Variants in PCDHGA5 observed in about 807,000 individuals in gnomAD.
PCDHGA5 encodes protocadherin gamma-A5.
A neutral mutation model predicts 56.7 loss-of-function variants in PCDHGA5; 36 were observed. The ratio of observed to expected loss-of-function variants is 0.64; its 90% confidence interval spans 0.49 to 0.84. The LOEUF (loss-of-function observed/expected upper bound fraction) is 0.84. Among genes scored for constraint, PCDHGA5 ranks in the 40% least tolerant of loss-of-function variants. The pLI is 0.00. For synonymous variants in PCDHGA5, 563 were observed against 520.2 expected (o/e 1.08, Z -1.12); for missense variants, 1,305 against 1,201.5 (o/e 1.09, Z -1.27).
chr5:141,421,741 C>A lies in PCDHGA5; in HGVS notation c.2421+54990C>A. 3 of 1,613,902 alleles carry A rather than the reference C, an allele frequency of 1.9e-6. No individual in the cohort carries two copies. The South Asian group carries it at 3.3e-5, about 18-fold the overall frequency. ...GGGCGTGAACTCCCTCCAGAGCTAC[C>A]AGCTCAGCCCTAATAATTACTTTTC... On this transcript the variant is annotated intron_variant, in intron 1 of 3. Transcript: ENST00000518069.
intron 1 of PCDHGA5, chr5:141,421,778 G>C (rs756566609): frequency 6.2e-7 from 1 of 1,613,844 alleles, no homozygotes; most frequent in Non-Finnish European, 8.5e-7. Context: ...TTGCAACTGC[G>C]GGGCAGAACG....
intron 1 of PCDHGA5, among the ~76,000 whole-genome samples, chr5:141,424,873 A>G (rs549945556): frequency 3.9e-5 from 6 of 152,198 alleles, no homozygotes; most frequent in Non-Finnish European, 8.8e-5. Context: ...CAAATGAGGA[A>G]AGGAGACTTA....
At chr5:141,370,688 G>A (rs374195397) in intron 1 of PCDHGA5, 7 of 1,613,840 alleles carry the variant, frequency 4.3e-6, no homozygotes, top group Non-Finnish European at 5.9e-6. Context: ...TTTGTGGCAA[G>A]AAGTCGACGT....
intron 2 of PCDHGA5, among the ~76,000 whole-genome samples, chr5:141,503,081 C>G (rs1354848667): frequency 6.6e-6 from 1 of 151,960 alleles, no homozygotes; most frequent in Non-Finnish European, 1.5e-5. Flanking sequence ...TCTCGATCTC[C>G]TGACCTCGTG....
In PCDHGA5 at chr5:141,366,233, A is replaced by G. The variant is rs1354193643; in HGVS notation, c.1903A>G (p.Arg635Gly). 6.2e-7 allele frequency: 1 copy of G among 1,613,674 alleles called. No individual in the cohort carries two copies. Among genetic ancestry groups the G allele is most frequent in the Non-Finnish European group, 8.5e-7 (1 of 1,180,038 alleles). Residue 635 changes from arginine to glycine, a missense_variant, in exon 1 of 4, where the codon AGA (arginine) becomes GGA (glycine). Physicochemically the swap from Arg to Gly is moderately radical, Grantham distance 125. Transcript: ENST00000518069. ...EVRTARALLD[R>G]DALKQSLVVA... ...GCGCACAGCGCGAGCCCTGCTGGAC[A>G]GAGACGCGCTCAAGCAGAGCCTCGT...
intron 1 of PCDHGA5, among the ~76,000 whole-genome samples, chr5:141,381,826 C>CTTCT (rs1777532522): frequency 2.0e-4 from 15 of 74,296 alleles, no homozygotes; most frequent in South Asian, 5.2e-4. Context: ...CTTTCTTCTT[C>CTTCT]TTTTTTTTTT....
At chr5:141,398,565 A>G (rs2150749377) in intron 1 of PCDHGA5, 2 of 1,614,040 alleles carry the variant, frequency 1.2e-6, no homozygotes, top group South Asian at 1.1e-5. Context: ...GTGAGTCTGC[A>G]CAGCCTGGCA....
At position 141,487,736 on chromosome 5, in the gene PCDHGA5, G is replaced by C; in HGVS notation, c.2422-7071G>C. On this transcript the variant is annotated intron_variant, in intron 1 of 3. Transcript: ENST00000518069. The surrounding 1 kb of genome is among the most constrained non-coding windows in gnomAD (Gnocchi z 5.0). Reference sequence around the variant, plus strand: ...TGCCCATAGTGATGTCACCATTTTTGTAAGAGGTAACTATGTGGTAGACGC... The same window carrying C: ...TGCCCATAGTGATGTCACCATTTTTCTAAGAGGTAACTATGTGGTAGACGC... 1 of 1,563,758 alleles carries C rather than the reference G, an allele frequency of 6.4e-7. No homozygotes were observed.
chr5:141,401,171 G>A (rs1222326375), intron 1 of PCDHGA5, among the ~76,000 whole-genome samples: 1 of 152,054 alleles, frequency 6.6e-6, no homozygotes, highest in African/African-American at 2.4e-5. Context: ...GTGAAAACCC[G>A]TCTCTACTAA....
intron 2 of PCDHGA5, among the ~76,000 whole-genome samples, chr5:141,503,608 AAAAAAAG>A (rs1483073868): frequency 3.3e-5 from 5 of 151,876 alleles, no homozygotes; most frequent in South Asian, 2.1e-4. Context: ...CAAAAAAAAA[AAAAAAAG>A]AAAAAAGAAA....
intron 1 of PCDHGA5, chr5:141,371,592 A>G: frequency 6.2e-7 from 1 of 1,614,000 alleles, no homozygotes; most frequent in Non-Finnish European, 8.5e-7. Context: ...AGATACCAAA[A>G]ACACATACAG....
intron 1 of PCDHGA5, among the ~76,000 whole-genome samples, chr5:141,368,915 A>G (rs1765921156): frequency 6.6e-6 from 1 of 152,228 alleles, no homozygotes; most frequent in Non-Finnish European, 1.5e-5. Context: ...TAAAGGTGAC[A>G]ATGAGTGTCT....
chr5:141,481,030 C>A (rs1277171839), intron 1 of PCDHGA5, among the ~76,000 whole-genome samples: 1 of 152,024 alleles, frequency 6.6e-6, no homozygotes, highest in African/African-American at 2.4e-5. Context: ...TGCACTCCAG[C>A]CTGGGCGACA....
rs778851755 is a variant in PCDHGA5, at chr5:141,477,795, G to A, written c.2422-17012G>A. ...AGCGTGAACATATTTGTCACTGATC[G>A]CAATGACAATGCCCCCCAGGTCCTA... On this transcript the variant is annotated intron_variant, in intron 1 of 3. Coordinates refer to ENST00000518069, the MANE Select transcript of PCDHGA5 (RefSeq NM_018918.3). This position sits in a 1 kb window ranked among gnomAD's most constrained non-coding sequence, Gnocchi z 4.9. The A allele has an allele frequency of 3.1e-6, 5 of 1,613,946 alleles. No individual in the cohort carries two copies. In the African/African-American group the frequency reaches 6.7e-5, roughly 22 times the overall value.
At chr5:141,433,205 TTTC>T in intron 1 of PCDHGA5, 1 of 1,573,264 alleles carries the variant, frequency 6.4e-7, no homozygotes, top group Non-Finnish European at 8.6e-7. Context: ...TCAAATCTTC[TTTC>T]TTTTTTTTTT....
chr5:141,374,318 C>G (rs773144400), intron 1 of PCDHGA5: 2 of 1,613,996 alleles, frequency 1.2e-6, no homozygotes, highest in South Asian at 2.2e-5. Flanking sequence ...CTCTCTGAAT[C>G]CGCGAAACGG....
chr5:141,364,631 C>T lies in PCDHGA5; in HGVS notation c.301C>T (p.Leu101=). The change falls in exon 1 of 4, where the codon CTG becomes TTG. Residue 101 remains leucine (L), a synonymous_variant. Transcript: ENST00000518069. The part of the protein sequence containing the change: ...DREELCAQSP[L]CVVNFNILVE... Reference sequence around the variant, plus strand: ...GGAGGAGCTCTGCGCTCAGAGCCCACTGTGTGTGGTGAACTTTAACATCTT... The same window carrying T: ...GGAGGAGCTCTGCGCTCAGAGCCCATTGTGTGTGGTGAACTTTAACATCTT... 1 of 1,614,122 alleles carries T rather than the reference C, an allele frequency of 6.2e-7. No homozygotes were observed. The highest frequency in any genetic ancestry group is 1.3e-5 in the African/African-American group (1 of 75,070).
In PCDHGA5 at chr5:141,365,387, ACC is replaced by A. The variant is rs1763882130; in HGVS notation, c.1058_1059del (p.Thr353LysfsTer5). 1 of 1,613,814 alleles carries A rather than the reference ACC, an allele frequency of 6.2e-7. No homozygotes were observed. The highest frequency in any genetic ancestry group is 1.3e-5 in the African/African-American group (1 of 74,878). The stretch of plus-strand genomic sequence containing the variant: ...CCCCGAAGTGATCCTCACCTCTCTG[ACC>A]AGTTCGATCTCTGAAGACTGTCTTC... Reference protein sequence around the residue: ...NAPEVILTSLTSSISEDCLPG... With the variant: ...NAPEVILTSLXSSISEDCLPG... On this transcript the variant is annotated frameshift_variant, in exon 1 of 4. Transcript: ENST00000518069. LOFTEE classifies it high-confidence loss of function.
At chr5:141,447,136 TTTTTTG>T (rs1304915683) in intron 1 of PCDHGA5, among the ~76,000 whole-genome samples, 4 of 152,090 alleles carry the variant, frequency 2.6e-5, no homozygotes, top group Admixed American at 6.6e-5. Context: ...TGTTTGTTTG[TTTTTTG>T]TTTTTGTTTT....
Sources: gnomAD v4.1 joint callset for allele counts (sites outside exome capture counted in the v4.1 genomes callset) on GRCh38, gnomAD v4.1.1 for gene constraint, Gnocchi (gnomAD v3.1) non-coding constraint, MANE v1.5 for transcripts, NCBI Gene and HGNC (gene_info 2026-07-23, HGNC 2026-07-21) for gene names.